Variants in CANX observed in about 807,000 individuals in gnomAD.
The protein encoded by CANX is calnexin.
A neutral mutation model predicts 75.7 loss-of-function variants in CANX; 14 were observed. That is an observed-to-expected ratio of 0.19 (90% CI 0.12 to 0.29). CANX has a LOEUF of 0.29. Ranked by LOEUF, CANX falls within the 10% of genes least tolerant of loss-of-function variation. CANX has a pLI of 1.00. For synonymous variants in CANX, 227 were observed against 236.9 expected (o/e 0.96, Z 0.38); for missense variants, 567 against 713.2 (o/e 0.79, Z 2.34).
At chr5:179,703,663 A>G (rs1175397714) in intron 1 of CANX, among the ~76,000 whole-genome samples, 2 of 147,836 alleles carry the variant, frequency 1.4e-5, no homozygotes, top group South Asian at 2.1e-4. Flanking sequence ...TTTTGTATAG[A>G]CAGGGTCAGG....
In CANX at chr5:179,728,891, CAT is replaced by C; in HGVS notation, c.*248_*249del. ...TTAACATAATGGTTGTGAAATGTAA[CAT>C]GAAGCAAACTAACTTTTTTTTTTTT... is the stretch of plus-strand genomic sequence containing the variant. On this transcript the variant is annotated 3_prime_UTR_variant, in exon 15 of 15. Transcript: ENST00000247461. 1.9e-6 allele frequency: 1 copy of C among 534,652 alleles called. No individual in the cohort carries two copies. Among genetic ancestry groups the C allele is most frequent in the South Asian group, 1.8e-5 (1 of 54,674 alleles). 33.1% of individuals were successfully genotyped at this position (534,652 alleles called of 1,614,324 possible). A position where few individuals can be genotyped will look rare whatever the true frequency, so the allele number is the denominator to read the frequency against.
upstream of CANX, among the ~76,000 whole-genome samples, chr5:179,696,213 C>T (rs1776399188): frequency 6.6e-6 from 1 of 151,696 alleles, no homozygotes; most frequent in South Asian, 2.1e-4. Context: ...CTACCTCACC[C>T]GGCCTGATTC....
At chr5:179,704,657 G>A (rs1192186598) in intron 1 of CANX, among the ~76,000 whole-genome samples, 1 of 151,998 alleles carries the variant, frequency 6.6e-6, no homozygotes, top group Non-Finnish European at 1.5e-5. Context: ...CCAACATGGC[G>A]AAACCCTGTC....
chr5:179,723,492 A>T, intron 11 of CANX, 168 bp from the exon 12 acceptor site: 2 of 636,536 alleles, frequency 3.1e-6, no homozygotes, highest in South Asian at 4.6e-5. Context: ...TAAGGAGAGC[A>T]AGAGGATGGA....
At chr5:179,696,956 A>G (rs1581827955), upstream of CANX, among the ~76,000 whole-genome samples, 1 of 18,050 alleles carries the variant, frequency 5.5e-5, no homozygotes, top group African/African-American at 7.1e-5. Context: ...TTCGTATAAT[A>G]TGTTTTCATT....
chr5:179,698,792 C>A (rs1373918525), upstream of CANX: 3 of 668,820 alleles, frequency 4.5e-6, no homozygotes, highest in African/African-American at 5.6e-5. Context: ...TCTTCACACT[C>A]CACGAAGAAT....
chr5:179,682,709 C>CAA (rs11461581), intron 1 of CANX, among the ~76,000 whole-genome samples: 2,427 of 97,062 alleles, frequency 0.025, 121 homozygotes, highest in African/African-American at 0.072. Context: ...GACTCTGTCT[C>CAA]AAAAAAAAAA....
chr5:179,685,051 T>G (rs1029107511), intron 1 of CANX, among the ~76,000 whole-genome samples: 1 of 148,296 alleles, frequency 6.7e-6, no homozygotes, highest in African/African-American at 2.5e-5. Context: ...GTGCTGGGAT[T>G]ACAGGCTTGA....
chr5:179,688,361 A>AT (rs35948508), intron 1 of CANX, among the ~76,000 whole-genome samples: 35,810 of 95,646 alleles, frequency 0.37, 7,887 homozygotes, highest in South Asian at 0.5. Flanking sequence ...CCTAAGGTCA[A>AT]TTTTTTTTTT....
At chr5:179,679,747 C>CT (rs1308812563) in intron 1 of CANX, among the ~76,000 whole-genome samples, 2 of 152,036 alleles carry the variant, frequency 1.3e-5, no homozygotes, top group Non-Finnish European at 2.9e-5. Context: ...CAACCTCCAC[C>CT]TCCCGGGTTC....
chr5:179,678,855 G>A, intron 1 of CANX: 9 of 1,536,654 alleles, frequency 5.9e-6, no homozygotes, highest in Non-Finnish European at 7.8e-6. Context: ...GTCCGCGAGA[G>A]CAGCGGCGAC....
rs1053553526 is a variant in CANX, at chr5:179,690,850, C to T, written c.-4+12073C>T. ...CTTGCAGTGAGCCGTGATCATGCCA[C>T]TGCATTCCAGCCTGGGCGACAGAGT... On this transcript the variant is annotated intron_variant, in intron 1 of 14. Transcript: ENST00000681674. Among the ~76,000 whole-genome samples, 5 of 151,944 alleles carry T rather than the reference C, an allele frequency of 3.3e-5. No individual in the cohort carries two copies. In the South Asian group the frequency reaches 1.0e-3, roughly 32 times the overall value.
chr5:179,679,787 T>A (rs1776009237), intron 1 of CANX, among the ~76,000 whole-genome samples: 1 of 151,858 alleles, frequency 6.6e-6, no homozygotes, highest in Non-Finnish European at 1.5e-5. Flanking sequence ...GCCTCTTGAG[T>A]AGCTGAGATT....
intron 7 of CANX, among the ~76,000 whole-genome samples, chr5:179,715,408 G>C (rs13171662): frequency 2.4e-4 from 37 of 152,150 alleles, no homozygotes; most frequent in African/African-American, 8.9e-4. Flanking sequence ...GTGGCACGGG[G>C]CCGTCTGTAG....
Position 179,722,916 on chromosome 5 carries a change from A to G in CANX, c.1295A>G (p.Asp432Gly). Reference protein sequence around the residue: ...IGLELWSMTSDIFFDNFIICA... With the variant: ...IGLELWSMTSGIFFDNFIICA... ...TTGGAGCTGTGGTCCATGACCTCTG[A>G]CATTTTTTTTGACAACTTTATCATT... The change falls in exon 11 of 15, where the codon GAC becomes GGC. Residue 432 changes from aspartate to glycine, a missense_variant. Asp to Gly is a moderately conservative substitution (Grantham distance 94). This residue lies in a region of CANX where 49 missense variants were observed against 100.1 expected (regional missense o/e 0.49). Coordinates refer to ENST00000247461, the MANE Select transcript of CANX (RefSeq NM_001746.4). 1 of 1,613,930 alleles carries G rather than the reference A, an allele frequency of 6.2e-7. No individual in the cohort carries two copies. The highest frequency in any genetic ancestry group is 1.1e-5 in the South Asian group (1 of 91,082).
At chr5:179,691,331 C>T (rs1260486926) in intron 1 of CANX, among the ~76,000 whole-genome samples, 1 of 152,004 alleles carries the variant, frequency 6.6e-6, no homozygotes, top group Non-Finnish European at 1.5e-5. Context: ...GGCCTATATA[C>T]ATTTAAACAA....
Position 179,680,001 on chromosome 5 carries a change from T to TG in CANX, c.-4+1228dup, listed in dbSNP as rs1314415674. Among the ~76,000 whole-genome samples the TG allele has an allele frequency of 3.8e-5, 4 of 104,954 alleles. No homozygotes were observed. In the East Asian group the frequency reaches 1.2e-3, roughly 32 times the overall value. 68.9% of individuals were successfully genotyped at this position (104,954 alleles called of 152,430 possible). A position where few individuals can be genotyped will look rare whatever the true frequency, so the allele number is the denominator to read the frequency against. On this transcript the variant is annotated intron_variant, in intron 1 of 14. Transcript: ENST00000681674. ...TTTTTTTTTGTATTTTTAGTAGAAA[T>TG]GGGGTTTCACCTTATTGGCCAGGCT...
intron 5 of CANX, 118 bp from the exon 6 acceptor site, chr5:179,708,860 G>T: frequency 1.8e-6 from 1 of 564,020 alleles, no homozygotes. Flanking sequence ...TCCTTTGTAA[G>T]GGTAAACATT....
At chr5:179,698,671 G>GT (rs1395293733), upstream of CANX, 80 of 1,118,108 alleles carry the variant, frequency 7.2e-5, no homozygotes, top group African/African-American at 1.1e-3. Flanking sequence ...GGGAACGCCT[G>GT]TTAAACCAGC....
Sources: allele counts gnomAD v4.1 joint callset (sites outside exome capture counted in the v4.1 genomes callset), GRCh38; gene constraint gnomAD v4.1.1; regional missense constraint gnomAD v4.1.1; transcripts MANE v1.5; gene names NCBI Gene and HGNC (gene_info 2026-07-23, HGNC 2026-07-21).